Variants in TPTE observed in about 807,000 individuals in gnomAD.
The protein encoded by TPTE is putative tyrosine-protein phosphatase TPTE.
In TPTE, 59 loss-of-function variants were observed where a neutral mutation model predicts 84.1. The ratio of observed to expected loss-of-function variants is 0.70; its 90% CI spans 0.57 to 0.87. The LOEUF is 0.87. TPTE is among the 40% of genes least tolerant of loss of function. The pLI, the probability that TPTE is intolerant of heterozygous loss-of-function variation, is 0.00. For missense variants in TPTE, 382 were observed against 659.6 expected, an observed-to-expected ratio of 0.58 and a Z score of 4.61; for synonymous variants, 130 against 223.5, an observed-to-expected ratio of 0.58 and a Z score of 3.73.
intron 10 of TPTE, among the ~76,000 whole-genome samples, chr21:10,566,627 G>A (rs1478410816): frequency 1.3e-5 from 2 of 152,428 alleles, no homozygotes; most frequent in African/African-American, 4.8e-5. Context: ...AGAGATGAAT[G>A]GGTAAAGAAA....
At chr21:10,589,604 G>T (rs867443689) in intron 17 of TPTE, among the ~76,000 whole-genome samples, 5 of 152,306 alleles carry the variant, frequency 3.3e-5, no homozygotes, top group South Asian at 2.1e-4. Context: ...CCCCCACAAA[G>T]TCTCCAAGTC....
chr21:10,528,486 TTTG>T (rs1239728743), intron 3 of TPTE, among the ~76,000 whole-genome samples: 1 of 152,310 alleles, frequency 6.6e-6, no homozygotes, highest in Non-Finnish European at 1.5e-5. Context: ...TTCAAGGAAT[TTTG>T]TTGTTCAAAT....
intron 17 of TPTE, among the ~76,000 whole-genome samples, chr21:10,579,456 C>T (rs1425420326): frequency 6.6e-6 from 1 of 152,312 alleles, no homozygotes; most frequent in Non-Finnish European, 1.5e-5. Flanking sequence ...CACCATTGCA[C>T]TCCAGCCCAA....
chr21:10,598,750 C>T (rs2075636570), intron 21 of TPTE, among the ~76,000 whole-genome samples: 1 of 152,428 alleles, frequency 6.6e-6, no homozygotes, highest in African/African-American at 2.4e-5. Flanking sequence ...TATACCTTTT[C>T]TGAAACAGAA....
chr21:10,529,949 A>C (rs1422173876), intron 3 of TPTE, among the ~76,000 whole-genome samples: 1 of 152,308 alleles, frequency 6.6e-6, no homozygotes, highest in African/African-American at 2.4e-5. Context: ...TTCTGTGTTT[A>C]ATAAGTATCA....
chr21:10,591,107 C>A (rs1414683645), intron 18 of TPTE, among the ~76,000 whole-genome samples: 1 of 152,304 alleles, frequency 6.6e-6, no homozygotes, highest in Non-Finnish European at 1.5e-5. Flanking sequence ...CAACATTTCA[C>A]AACTCAAAAC....
At chr21:10,559,256 A>G (rs1233130435) in intron 8 of TPTE, among the ~76,000 whole-genome samples, 1 of 152,308 alleles carries the variant, frequency 6.6e-6, no homozygotes, top group Admixed American at 6.5e-5. Flanking sequence ...CTTTGCATGC[A>G]ATGGAAATGT....
At chr21:10,544,527 G>A (rs1210089159) in intron 7 of TPTE, among the ~76,000 whole-genome samples, 20 of 152,412 alleles carry the variant, frequency 1.3e-4, no homozygotes, top group Middle Eastern at 3.4e-3. Flanking sequence ...TGGGACTGCA[G>A]TCATGTGCCA....
chr21:10,556,782 C>A (rs1407907738), intron 8 of TPTE, among the ~76,000 whole-genome samples: 2 of 152,308 alleles, frequency 1.3e-5, no homozygotes, highest in Non-Finnish European at 2.9e-5. Flanking sequence ...TTGCATTTCT[C>A]TGATGGCCAG....
At chr21:10,590,288 G>T (rs1413407232) in intron 17 of TPTE, among the ~76,000 whole-genome samples, 174 bp from the exon 18 acceptor site, 68 of 152,324 alleles carry the variant, frequency 4.5e-4, no homozygotes, top group African/African-American at 1.6e-3. Flanking sequence ...TTTCACCTGT[G>T]AGATGGAGGT....
At chr21:10,559,196 A>G (rs988865647) in intron 8 of TPTE, among the ~76,000 whole-genome samples, 3 of 152,306 alleles carry the variant, frequency 2.0e-5, no homozygotes, top group African/African-American at 7.2e-5. Flanking sequence ...ACTCCTTGAG[A>G]TGATGACCAC....
intron 7 of TPTE, among the ~76,000 whole-genome samples, chr21:10,545,153 A>G (rs373339453): frequency 6.6e-5 from 10 of 152,428 alleles, no homozygotes; most frequent in African/African-American, 2.4e-4. Context: ...TGAATTAAAA[A>G]GAGTAATGTG....
chr21:10,561,336 A>T (rs1302793782), intron 10 of TPTE, 145 bp downstream of exon 10: 1 of 1,207,920 alleles, frequency 8.3e-7, no homozygotes, highest in East Asian at 2.5e-5. Context: ...TACTAAAAAT[A>T]CAAAAATTAG....
Position 10,536,787 on chromosome 21 carries a change from A to G in TPTE, c.-43-1894A>G, listed in dbSNP as rs1455145750. Among the ~76,000 whole-genome samples the G allele has an allele frequency of 2.6e-5, 4 of 152,428 alleles. No homozygotes were observed. The East Asian group carries it at 7.7e-4, about 29-fold the overall frequency. On this transcript the variant is annotated intron_variant, in intron 3 of 23. Transcript: ENST00000618007. The stretch of plus-strand genomic sequence containing the variant: ...GGGCAAAAAAGGGAAACTTCTTGTT[A>G]TTGTCTTGTCACCCTTAGTAGCAGG...
intron 1 of TPTE, among the ~76,000 whole-genome samples, chr21:10,522,478 GT>G (rs1188821552): frequency 6.6e-6 from 1 of 152,312 alleles, no homozygotes; most frequent in Non-Finnish European, 1.5e-5. Flanking sequence ...TCGGCGTAGG[GT>G]CCCCAGCGAT....
chr21:10,582,091 T>G (rs1302241101), intron 17 of TPTE, among the ~76,000 whole-genome samples: 3 of 152,304 alleles, frequency 2.0e-5, no homozygotes, highest in Non-Finnish European at 4.4e-5. Flanking sequence ...GTGTATATAT[T>G]TCACGCTTTT....
At chr21:10,569,043 A>G (rs1356710964) in intron 11 of TPTE, among the ~76,000 whole-genome samples, 1 of 152,310 alleles carries the variant, frequency 6.6e-6, no homozygotes, top group Non-Finnish European at 1.5e-5. Flanking sequence ...TGAAAATGCT[A>G]GTCTTAAATC....
intron 10 of TPTE, among the ~76,000 whole-genome samples, chr21:10,564,320 G>T (rs2074871330): frequency 1.3e-5 from 2 of 152,296 alleles, no homozygotes; most frequent in South Asian, 4.1e-4. Flanking sequence ...GACCAGCCTG[G>T]CCAATATGGT....
intron 21 of TPTE, among the ~76,000 whole-genome samples, chr21:10,601,092 T>A (rs1278323921): frequency 6.6e-6 from 1 of 152,310 alleles, no homozygotes; most frequent in Non-Finnish European, 1.5e-5. Context: ...ACCTTCTTAA[T>A]GTATTCTCAA....
Sources: allele counts gnomAD v4.1 joint callset (sites outside exome capture counted in the v4.1 genomes callset), GRCh38; gene constraint gnomAD v4.1.1; transcripts MANE v1.5; gene names NCBI Gene and HGNC (gene_info 2026-07-23, HGNC 2026-07-21).